Variants in LIMCH1 observed in about 807,000 individuals in gnomAD.
The protein encoded by LIMCH1 is LIM and calponin homology domains 1.
In LIMCH1, 113 loss-of-function variants were observed where a neutral mutation model predicts 176.5. That is an observed-to-expected ratio of 0.64 (90% CI 0.55 to 0.75). The LOEUF is 0.75. Among genes scored for constraint, LIMCH1 ranks in the 30% least tolerant of loss-of-function variants. The pLI, the probability that LIMCH1 is intolerant of heterozygous loss-of-function variation, is 0.00. For synonymous variants in LIMCH1, 619 were observed against 645.9 expected, an observed-to-expected ratio of 0.96 and a Z score of 0.63; for missense variants, 1,674 against 1,814.9, an observed-to-expected ratio of 0.92 and a Z score of 1.41.
chr4:41,368,372 A>G (rs1449951930), intron 1 of LIMCH1, among the ~76,000 whole-genome samples: 2 of 152,246 alleles, frequency 1.3e-5, no homozygotes, highest in African/African-American at 4.8e-5. Context: ...CAAAATAAAC[A>G]TACTTCCTGC....
chr4:41,386,406 C>T (rs2056498750), intron 1 of LIMCH1, among the ~76,000 whole-genome samples: 1 of 152,166 alleles, frequency 6.6e-6, no homozygotes, highest in South Asian at 2.1e-4. Context: ...ATGGTTATAA[C>T]AGCTATCTTA....
intron 14 of LIMCH1, among the ~76,000 whole-genome samples, chr4:41,643,963 T>G (rs7694860): frequency 0.068 from 10,397 of 152,186 alleles, 661 homozygotes; most frequent in African/African-American, 0.17. Context: ...GTCTTAAACT[T>G]AAGGCCAAAT....
chr4:41,501,136 T>G (rs1031250311), intron 2 of LIMCH1, among the ~76,000 whole-genome samples: 2 of 152,212 alleles, frequency 1.3e-5, no homozygotes, highest in Non-Finnish European at 2.9e-5. Flanking sequence ...CACTGTGATT[T>G]TCTTTAACCC....
intron 3 of LIMCH1, among the ~76,000 whole-genome samples, chr4:41,532,938 G>C (rs2152445652): frequency 6.6e-6 from 1 of 152,200 alleles, no homozygotes; most frequent in African/African-American, 2.4e-5. Context: ...TCTGGTTCAG[G>C]GTCCCTCACA....
In LIMCH1 at chr4:41,676,378, G is replaced by A. The variant is rs758838362; in HGVS notation, c.3439-4G>A. On this transcript the variant is annotated splice_polypyrimidine_tract_variant and splice_region_variant and intron_variant, in intron 22 of 31. Coordinates refer to ENST00000503057, the MANE Select transcript of LIMCH1 (RefSeq NM_001330672.2). ...TCTGATCATGGTTTCATTTTTCTAA[G>A]CAGTTTAAGTTCTGGGCATGGGACC... The A allele has an allele frequency of 1.1e-5, 18 of 1,612,562 alleles. No homozygotes were observed. The highest frequency in any genetic ancestry group is 1.5e-5 in the Non-Finnish European group (18 of 1,178,908).
At chr4:41,543,038 C>G (rs1343435901) in intron 1 of LIMCH1, among the ~76,000 whole-genome samples, 2 of 152,136 alleles carry the variant, frequency 1.3e-5, no homozygotes, top group Non-Finnish European at 2.9e-5. Flanking sequence ...TTTTTGGTGA[C>G]TAATATGTTG....
At chr4:41,625,101 A>G (rs1210763989) in intron 7 of LIMCH1, among the ~76,000 whole-genome samples, 1 of 152,246 alleles carries the variant, frequency 6.6e-6, no homozygotes, top group African/African-American at 2.4e-5. Context: ...AAAGCCAGAC[A>G]GCCTGGCCTG....
At chr4:41,390,651 C>G (rs1017079981) in intron 1 of LIMCH1, among the ~76,000 whole-genome samples, 3 of 152,176 alleles carry the variant, frequency 2.0e-5, no homozygotes, top group Non-Finnish European at 4.4e-5. Flanking sequence ...TTTCATTGGA[C>G]ATTCCTAAAG....
chr4:41,450,798 CA>C (rs760652470), intron 1 of LIMCH1, among the ~76,000 whole-genome samples: 1,159 of 50,614 alleles, frequency 0.023, 4 homozygotes, highest in Non-Finnish European at 0.032. Flanking sequence ...CTCTCTCTCT[CA>C]AAAAAAAAAA....
intron 31 of LIMCH1, 173 bp downstream of exon 31, chr4:41,692,557 G>T: frequency 3.6e-6 from 2 of 548,512 alleles, no homozygotes; most frequent in Non-Finnish European, 3.3e-6. Context: ...GTTTCTTCCT[G>T]GAAGTTATTG....
At chr4:41,545,280 G>T (rs896414622) in intron 1 of LIMCH1, among the ~76,000 whole-genome samples, 1 of 152,196 alleles carries the variant, frequency 6.6e-6, no homozygotes, top group Non-Finnish European at 1.5e-5. Flanking sequence ...TATTGTGTTT[G>T]AGTCGGAAGA....
rs140232706 is a variant in LIMCH1, at chr4:41,441,699, A to G, written c.97-52837A>G. On this transcript the variant is annotated intron_variant, in intron 1 of 26. Transcript: ENST00000313860. Reference sequence around the variant, plus strand: ...ATTTCATTTAGGAGCTTAGGTTACAAAGTTGTGTCTAATACTCTTTTTCTT... The same window carrying G: ...ATTTCATTTAGGAGCTTAGGTTACAGAGTTGTGTCTAATACTCTTTTTCTT... Among the ~76,000 whole-genome samples the G allele has an allele frequency of 2.8e-3, 428 of 152,270 alleles. 1 individual carries two copies. Among genetic ancestry groups the G allele is most frequent in the African/African-American group, 9.4e-3 (390 of 41,552 alleles).
intron 1 of LIMCH1, among the ~76,000 whole-genome samples, chr4:41,553,202 C>T (rs568426407): frequency 7.7e-4 from 117 of 152,300 alleles, no homozygotes; most frequent in African/African-American, 2.5e-3. Flanking sequence ...ACTGTGCCAG[C>T]CACTGTGCAT....
intron 1 of LIMCH1, among the ~76,000 whole-genome samples, chr4:41,383,253 A>G (rs10002548): frequency 2.6e-5 from 4 of 152,152 alleles, no homozygotes; most frequent in African/African-American, 9.7e-5. Context: ...AGTTAGAGAG[A>G]TATATAATTG....
rs760774286 is a variant in LIMCH1, at chr4:41,638,975, G to A, written c.2126+8G>A. 1.3e-6 allele frequency: 2 copies of A among 1,576,622 alleles called. No homozygotes were observed. The highest frequency in any genetic ancestry group is 2.4e-5 in the South Asian group (2 of 84,576). On this transcript the variant is annotated splice_region_variant and intron_variant, in intron 14 of 31. Transcript: ENST00000503057. ...TGTGTCTGATGACGCAGAGTAAGTT[G>A]CCTTGTATTTGTAGGATTACATTAA...
chr4:41,421,786 C>T (rs2060627801), intron 1 of LIMCH1, among the ~76,000 whole-genome samples: 1 of 152,094 alleles, frequency 6.6e-6, no homozygotes. Context: ...ATTCAGATAT[C>T]ACAATGAGAT....
chr4:41,660,445 A>G (rs1332458845), intron 18 of LIMCH1, among the ~76,000 whole-genome samples: 1 of 152,224 alleles, frequency 6.6e-6, no homozygotes, highest in Non-Finnish European at 1.5e-5. Context: ...TGAGGTTCAA[A>G]TCACAGAGAC....
chr4:41,506,596 A>G (rs1184408606), intron 2 of LIMCH1, among the ~76,000 whole-genome samples: 6 of 152,214 alleles, frequency 3.9e-5, no homozygotes, highest in Non-Finnish European at 5.9e-5. Context: ...TGTAAAACCA[A>G]CAAAGATTTA....
chr4:41,629,901 G>A (rs754306652), intron 9 of LIMCH1, among the ~76,000 whole-genome samples, 167 bp downstream of exon 9: 15 of 151,896 alleles, frequency 9.9e-5, no homozygotes, highest in Middle Eastern at 6.8e-3. Context: ...TCGACTCCTG[G>A]GCTCAAGCAG....
Sources: allele counts gnomAD v4.1 joint callset (sites outside exome capture counted in the v4.1 genomes callset), GRCh38; gene constraint gnomAD v4.1.1; transcripts MANE v1.5; gene names NCBI Gene and HGNC (gene_info 2026-07-23, HGNC 2026-07-21).